Variants in PIGL observed in about 807,000 individuals in gnomAD.
PIGL encodes N-acetylglucosaminyl-phosphatidylinositol de-N-acetylase.
A neutral mutation model predicts 31.1 loss-of-function variants in PIGL; 22 were observed. The ratio of observed to expected loss-of-function variants is 0.71; its 90% CI spans 0.51 to 1.01. The LOEUF (loss-of-function observed/expected upper bound fraction) is 1.01, where lower values mean the gene tolerates loss of function less well. PIGL is among the 50% of genes least tolerant of loss of function. The pLI is 0.00. For synonymous variants in PIGL, 131 were observed against 117.4 expected, an observed-to-expected ratio of 1.12 and a Z score of -0.75; for missense variants, 302 against 315.9, an observed-to-expected ratio of 0.96 and a Z score of 0.33.
intron 6 of PIGL, among the ~76,000 whole-genome samples, chr17:16,320,132 G>A (rs2093096760): frequency 6.8e-6 from 1 of 146,456 alleles, no homozygotes; most frequent in Non-Finnish European, 1.5e-5. Flanking sequence ...GGAAGGGGAA[G>A]GGGAAAGGGA....
At chr17:16,287,856 T>A (rs967671355) in intron 2 of PIGL, among the ~76,000 whole-genome samples, 1 of 152,210 alleles carries the variant, frequency 6.6e-6, no homozygotes, top group African/African-American at 2.4e-5. Context: ...ACTGCCGACC[T>A]CTTTCCACTC....
rs2092594414 is a variant in PIGL at position 16,217,543 on chromosome 17, C to G, written c.235+82C>G. 3 of 1,101,820 alleles carry G rather than the reference C, an allele frequency of 2.7e-6. No homozygotes were observed. In the South Asian group the frequency reaches 4.1e-5, roughly 15 times the overall value. 68.3% of individuals were successfully genotyped at this position (1,101,820 alleles called of 1,614,324 possible). ...TAACCGATCTCAGTCGCCTTCTTCTCGAAGTTTTCCGTAGGGAGCTAAGTG... is the reference window on the plus strand; with the variant it reads ...TAACCGATCTCAGTCGCCTTCTTCTGGAAGTTTTCCGTAGGGAGCTAAGTG... On this transcript the variant is annotated intron_variant, in intron 1 of 6. Coordinates refer to ENST00000225609, the MANE Select transcript of PIGL (RefSeq NM_004278.4).
chr17:16,221,408 C>T (rs898989432), intron 1 of PIGL, among the ~76,000 whole-genome samples: 1 of 151,718 alleles, frequency 6.6e-6, no homozygotes, highest in African/African-American at 2.4e-5. Context: ...CCGCCTCAGC[C>T]TACCAATAGT....
At chr17:16,218,732 G>C (rs1321366957) in intron 1 of PIGL, among the ~76,000 whole-genome samples, 1 of 144,220 alleles carries the variant, frequency 6.9e-6, no homozygotes, top group Non-Finnish European at 1.5e-5. Context: ...AGGCTGGAGT[G>C]CCGTGGCGTG....
chr17:16,269,540 A>G (rs781777892), intron 2 of PIGL, among the ~76,000 whole-genome samples: 1 of 151,374 alleles, frequency 6.6e-6, no homozygotes, highest in Non-Finnish European at 1.5e-5. Context: ...AATCCCAGCT[A>G]CTCGGGAGGC....
intron 2 of PIGL, chr17:16,281,981 G>C (rs757436895): frequency 6.1e-6 from 3 of 488,422 alleles, no homozygotes; most frequent in Admixed American, 4.2e-5. Context: ...ACAATGGAAG[G>C]GGGGCGACAG....
chr17:16,257,840 G>A (rs970532376), intron 2 of PIGL, among the ~76,000 whole-genome samples: 29 of 151,932 alleles, frequency 1.9e-4, no homozygotes, highest in African/African-American at 5.8e-4. Flanking sequence ...CAAGGCGGGC[G>A]GATCACTTGA....
chr17:16,249,169 T>C (rs1200223700), intron 2 of PIGL, among the ~76,000 whole-genome samples: 1 of 152,152 alleles, frequency 6.6e-6, no homozygotes, highest in Non-Finnish European at 1.5e-5. Context: ...AATAAACAAT[T>C]TATACATTTA....
At chr17:16,246,505 C>T (rs1033886329) in intron 2 of PIGL, among the ~76,000 whole-genome samples, 2 of 149,230 alleles carry the variant, frequency 1.3e-5, no homozygotes, top group East Asian at 2.0e-4. Context: ...AGTGAGACTC[C>T]GTCTCAAAAA....
At chr17:16,217,737 A>G (rs1322248985) in intron 1 of PIGL, 11 of 427,854 alleles carry the variant, frequency 2.6e-5, no homozygotes, top group East Asian at 4.1e-5. Context: ...TCCGTTGGGA[A>G]CTCCACCTGT....
chr17:16,235,032 TC>T (rs1171265053), intron 2 of PIGL, among the ~76,000 whole-genome samples: 1 of 152,192 alleles, frequency 6.6e-6, no homozygotes, highest in Non-Finnish European at 1.5e-5. Flanking sequence ...TAACTTAACA[TC>T]TTTTGTGTAT....
intron 2 of PIGL, among the ~76,000 whole-genome samples, chr17:16,240,632 C>A (rs927170448): frequency 1.3e-5 from 2 of 151,948 alleles, no homozygotes; most frequent in African/African-American, 4.8e-5. Context: ...TCCCGAGTAA[C>A]TGGGACCACA....
chr17:16,288,161 T>G (rs1256089971), intron 2 of PIGL, among the ~76,000 whole-genome samples: 1 of 152,212 alleles, frequency 6.6e-6, no homozygotes, highest in Non-Finnish European at 1.5e-5. Context: ...CATTTCTTCT[T>G]TTCTAAATTA....
At chr17:16,317,728 T>A (rs770125919) in intron 5 of PIGL, 47 bp from the exon 6 acceptor site, 4 of 1,610,366 alleles carry the variant, frequency 2.5e-6, no homozygotes, top group Non-Finnish European at 8.5e-7. Flanking sequence ...AAAATCTGGC[T>A]GGAGGCCTCA....
intron 1 of PIGL, among the ~76,000 whole-genome samples, chr17:16,233,573 A>G (rs1056912619): frequency 1.3e-5 from 2 of 152,028 alleles, no homozygotes; most frequent in East Asian, 1.9e-4. Context: ...CCTTAAATCA[A>G]TGTTAAACAG....
At chr17:16,283,640 C>CT (rs1248033540) in intron 2 of PIGL, among the ~76,000 whole-genome samples, 1 of 152,070 alleles carries the variant, frequency 6.6e-6, no homozygotes, top group East Asian at 1.9e-4. Flanking sequence ...AAGCAACAGA[C>CT]TGAGACCCTG....
At chr17:16,268,664 G>T (rs560825952) in intron 2 of PIGL, among the ~76,000 whole-genome samples, 3 of 151,942 alleles carry the variant, frequency 2.0e-5, no homozygotes, top group African/African-American at 7.2e-5. Context: ...TGGCCAGGCT[G>T]GTCTCGAACT....
chr17:16,217,646 A>G, intron 1 of PIGL, 185 bp downstream of exon 1: 1 of 511,626 alleles, frequency 2.0e-6, no homozygotes, highest in Non-Finnish European at 3.4e-6. Context: ...GGGTTGGGGG[A>G]CGTCGGCAGC....
intron 1 of PIGL, among the ~76,000 whole-genome samples, chr17:16,232,137 G>A (rs1568781966): frequency 1.3e-5 from 2 of 152,004 alleles, no homozygotes; most frequent in Non-Finnish European, 2.9e-5. Context: ...AATTAGCCAG[G>A]CGTGGTGGTG....
Sources: allele counts gnomAD v4.1 joint callset (sites outside exome capture counted in the v4.1 genomes callset), GRCh38; gene constraint gnomAD v4.1.1; transcripts MANE v1.5; gene names NCBI Gene and HGNC (gene_info 2026-07-23, HGNC 2026-07-21).